Variants in DNAH9 observed in about 807,000 individuals in gnomAD.
DNAH9 encodes the protein dynein axonemal heavy chain 9.
A neutral mutation model predicts 471.6 loss-of-function variants in DNAH9; 345 were observed. The ratio of observed to expected loss-of-function variants is 0.73; its 90% CI spans 0.67 to 0.80. DNAH9 has a LOEUF of 0.80. Ranked by LOEUF, DNAH9 falls within the 30% of genes least tolerant of loss-of-function variation. The pLI, the probability that DNAH9 is intolerant of heterozygous loss-of-function variation, is 0.00. For synonymous variants in DNAH9, 2,093 were observed against 2,123.6 expected (o/e 0.99, Z 0.40); for missense variants, 5,407 against 5,609.2 (o/e 0.96, Z 1.15).
At chr17:11,610,800 T>TA (rs2150640607) in intron 3 of DNAH9, among the ~76,000 whole-genome samples, 1 of 152,354 alleles carries the variant, frequency 6.6e-6, no homozygotes, top group South Asian at 2.1e-4. Flanking sequence ...TATGTCCTCT[T>TA]ACATTTTTTC....
In DNAH9 at chr17:11,779,371, C is replaced by T. The variant is rs185271776; in HGVS notation, c.7553-1638C>T. On this transcript the variant is annotated intron_variant, in intron 38 of 68. Coordinates refer to ENST00000262442, the MANE Select transcript of DNAH9 (RefSeq NM_001372.4). ...CCAATTCTACTTGGAAACAGAGTAG[C>T]TCACTGTAATTCCATCCTAGGTGTG... Among the ~76,000 whole-genome samples the T allele has an allele frequency of 9.9e-5, 15 of 152,282 alleles. No homozygotes were observed. In the East Asian group the frequency reaches 2.9e-3, roughly 29 times the overall value.
rs1337304961 is a variant in DNAH9 at position 11,923,831 on chromosome 17, A to G, written c.11767A>G (p.Thr3923Ala). The change falls in exon 62 of 69, where the codon ACC (threonine) becomes GCC (alanine). Residue 3923 changes from threonine to alanine, a missense_variant. Around this residue, in one of 3 missense-constraint regions of DNAH9, gnomAD observed 4,636 missense variants for 4,900.3 expected, o/e 0.95. Coordinates refer to ENST00000262442, the MANE Select transcript of DNAH9 (RefSeq NM_001372.4). ...CCTTTTAGGAAGAAAACTTGGATAC[A>G]CCTTCAACAATCAGAACTTTCACAA... ...VESQGRKLGYTFNNQNFHNVS... is the reference protein window; with the variant it reads ...VESQGRKLGYAFNNQNFHNVS... The G allele has an allele frequency of 1.2e-6, 2 of 1,613,876 alleles. No homozygotes were observed. The highest frequency in any genetic ancestry group is 8.5e-7 in the Non-Finnish European group (1 of 1,179,942).
chr17:11,767,863 C>T (rs923930700), intron 36 of DNAH9, among the ~76,000 whole-genome samples: 2 of 152,140 alleles, frequency 1.3e-5, no homozygotes, highest in African/African-American at 4.8e-5. Flanking sequence ...CCCCACTGCT[C>T]CTAGATTCTA....
In DNAH9 at chr17:11,664,627, C is replaced by T. The variant is rs1041649297; in HGVS notation, c.2596-206C>T. 2.2e-4 allele frequency among the ~76,000 whole-genome samples: 33 copies of T among 152,092 alleles called. 1 individual carries two copies. Among genetic ancestry groups the T allele is most frequent in the Admixed American group, 1.9e-3 (29 of 15,264 alleles). ...CTCCTTCCTCAGGGACAGGTTGTCCCCTATATTACCGTCATGGACTAACTT... is the reference window on the plus strand; with the variant it reads ...CTCCTTCCTCAGGGACAGGTTGTCCTCTATATTACCGTCATGGACTAACTT... On this transcript the variant is annotated intron_variant, in intron 14 of 68. Transcript: ENST00000262442.
chr17:11,807,060 G>A (rs1969715441), intron 43 of DNAH9, among the ~76,000 whole-genome samples: 2 of 152,092 alleles, frequency 1.3e-5, no homozygotes, highest in Non-Finnish European at 2.9e-5. Context: ...GAGGAATATG[G>A]GCACTGAGAG....
At chr17:11,936,223 G>A (rs3785944) in intron 65 of DNAH9, among the ~76,000 whole-genome samples, 39,516 of 152,064 alleles carry the variant, frequency 0.26, 5,777 homozygotes, top group Non-Finnish European at 0.33. Flanking sequence ...TTGAGGAATG[G>A]GCAATCTATT....
intron 67 of DNAH9, among the ~76,000 whole-genome samples, chr17:11,958,746 A>T (rs942968950): frequency 5.0e-4 from 75 of 150,996 alleles, no homozygotes; most frequent in African/African-American, 1.8e-3. Context: ...AAAAAAAAAT[A>T]AAGTATATTA....
intron 67 of DNAH9, among the ~76,000 whole-genome samples, chr17:11,944,654 C>T (rs2151435200): frequency 6.6e-6 from 1 of 152,302 alleles, no homozygotes. Flanking sequence ...TCCATTCAAA[C>T]TTGCTGTCAT....
intron 1 of DNAH9, among the ~76,000 whole-genome samples, chr17:11,599,584 G>A (rs1038066039): frequency 1.3e-5 from 2 of 152,204 alleles, no homozygotes; most frequent in Admixed American, 6.5e-5. Context: ...GAAGCTCAGG[G>A]AGGAAGGTGG....
intron 15 of DNAH9, among the ~76,000 whole-genome samples, chr17:11,666,047 A>G (rs552148337): frequency 1.4e-3 from 215 of 152,292 alleles, no homozygotes; most frequent in African/African-American, 5.0e-3. Flanking sequence ...GAAATCAACA[A>G]CAGGACTCAG....
chr17:11,701,675 T>C (rs1175196279), intron 24 of DNAH9, among the ~76,000 whole-genome samples: 2 of 149,154 alleles, frequency 1.3e-5, no homozygotes, highest in African/African-American at 2.4e-5. Context: ...GTTGTTTTGT[T>C]TTGTTTTTTG....
intron 1 of DNAH9, among the ~76,000 whole-genome samples, chr17:11,601,638 T>G (rs552780461): frequency 6.6e-6 from 1 of 152,308 alleles, no homozygotes; most frequent in South Asian, 2.1e-4. Context: ...CTACTTTTAT[T>G]CCATACCCTG....
At position 11,880,115 on chromosome 17, in the gene DNAH9, G is replaced by T. The variant is rs778076956; in HGVS notation, c.10516G>T (p.Ala3506Ser). The T allele has an allele frequency of 6.2e-7, 1 of 1,613,936 alleles. No homozygotes were observed. The highest frequency in any genetic ancestry group is 1.3e-5 in the African/African-American group (1 of 74,916). ...QIIEQALEAG[A>S]VVLIENLEES... ...CATAGAGCAGGCCCTGGAAGCTGGA[G>T]CTGTGGTGCTGATTGAAAATCTAGA... is the stretch of plus-strand genomic sequence containing the variant. The change falls in exon 54 of 69, where the codon GCT (alanine) becomes TCT (serine). Residue 3506 changes from alanine to serine, a missense_variant. Physicochemically the swap from Ala to Ser is moderately conservative, Grantham distance 99. Around this residue, in one of 3 missense-constraint regions of DNAH9, gnomAD observed 4,636 missense variants for 4,900.3 expected, o/e 0.95. Transcript: ENST00000262442.
intron 28 of DNAH9, among the ~76,000 whole-genome samples, chr17:11,729,027 AC>A (rs1453778250): frequency 6.6e-6 from 1 of 152,098 alleles, no homozygotes; most frequent in Non-Finnish European, 1.5e-5. Context: ...ACAAGTTCGA[AC>A]CCAATAGTAG....
At chr17:11,666,831 C>A (rs1386738997) in intron 15 of DNAH9, among the ~76,000 whole-genome samples, 1 of 152,184 alleles carries the variant, frequency 6.6e-6, no homozygotes, top group Non-Finnish European at 1.5e-5. Flanking sequence ...CACTGTTAAC[C>A]TGGAGGGGAG....
In DNAH9 at chr17:11,969,491, G is replaced by T; in HGVS notation, c.13425G>T (p.Trp4475Cys). 1.2e-6 allele frequency: 2 copies of T among 1,613,582 alleles called. No homozygotes were observed. The highest frequency in any genetic ancestry group is 1.7e-6 in the Non-Finnish European group (2 of 1,179,952). Residue 4475 changes from tryptophan (W) to cysteine (C), a missense_variant, in exon 69 of 69, where the codon TGG becomes TGT. Physicochemically the swap from Trp to Cys is radical, Grantham distance 215. Transcript: ENST00000262442. ...AGACTAAGGAAAACCCATCCAAGTG[G>T]GTTCTGGCTGGAGTAGCCTTGCTTC... Reference protein sequence around the residue: ...NLKTKENPSKWVLAGVALLLQ... With the variant: ...NLKTKENPSKCVLAGVALLLQ...
chr17:11,850,729 G>A (rs3967), intron 49 of DNAH9, among the ~76,000 whole-genome samples: 73,078 of 151,624 alleles, frequency 0.48, 18,272 homozygotes, highest in African/African-American at 0.58. Context: ...CCCCATGAGA[G>A]TTGACTTGAG....
rs115523068 is a variant in DNAH9 at position 11,799,088 on chromosome 17, C to A, written c.8420+1295C>A. On this transcript the variant is annotated intron_variant, in intron 43 of 68. Coordinates refer to ENST00000262442, the MANE Select transcript of DNAH9 (RefSeq NM_001372.4). ...TCACTCTTGGCATCTAGCTAATAATCCTTTCTGTTCCTTGGCTTGCTTGGC... is the reference window on the plus strand; with the variant it reads ...TCACTCTTGGCATCTAGCTAATAATACTTTCTGTTCCTTGGCTTGCTTGGC... Among the ~76,000 whole-genome samples, 1,358 of 152,266 alleles carry A rather than the reference C, an allele frequency of 8.9e-3. 19 individuals are homozygous for A. Among genetic ancestry groups the A allele is most frequent in the African/African-American group, 0.031 (1,296 of 41,550 alleles).
chr17:11,640,172 A>G, intron 9 of DNAH9, 98 bp from the exon 10 acceptor site: 1 of 702,978 alleles, frequency 1.4e-6, no homozygotes. Flanking sequence ...TCTGGAGATA[A>G]TGAGGCAAAA....
Sources: gnomAD v4.1 joint callset for allele counts (sites outside exome capture counted in the v4.1 genomes callset) on GRCh38, gnomAD v4.1.1 for gene constraint, gnomAD v4.1.1 regional missense constraint, MANE v1.5 for transcripts, NCBI Gene and HGNC (gene_info 2026-07-23, HGNC 2026-07-21) for gene names.